STX12: variants seen among roughly 807,000 people sequenced by gnomAD.
The protein encoded by STX12 is syntaxin-12.
A neutral mutation model predicts 42.2 loss-of-function variants in STX12; 17 were observed. The ratio of observed to expected loss-of-function variants is 0.40; its 90% CI spans 0.28 to 0.60. The LOEUF is 0.60. Ranked by LOEUF, STX12 falls within the 20% of genes least tolerant of loss-of-function variation. The pLI is 0.39. For missense variants in STX12, 297 were observed against 330.9 expected (o/e 0.90, Z 0.79); for synonymous variants, 108 against 116.7 (o/e 0.93, Z 0.48).
chr1:27,779,748 C>T (rs1378025194), intron 1 of STX12, among the ~76,000 whole-genome samples: 2 of 152,048 alleles, frequency 1.3e-5, no homozygotes, highest in Non-Finnish European at 2.9e-5. Flanking sequence ...TTATGTTTCT[C>T]AACTCTATCT....
chr1:27,793,271 T>C (rs181252365), intron 2 of STX12, among the ~76,000 whole-genome samples: 41 of 152,332 alleles, frequency 2.7e-4, no homozygotes, highest in Admixed American at 2.0e-3. Flanking sequence ...TTTCTTCTCT[T>C]CCCAAAGAGT....
rs188518250 is a variant in STX12 at position 27,789,779 on chromosome 1, G to A, written c.188+148G>A. 82 of 605,130 alleles carry A rather than the reference G, an allele frequency of 1.4e-4. No homozygotes were observed. In the Admixed American group the frequency reaches 1.6e-3, roughly 12 times the overall value. The allele number at this position is 605,130 out of a possible 1,614,324, so 37.5% of individuals were successfully genotyped here. ...TAAGAGCTGGATCTAAAAGAGGGGC[G>A]GGGCAACAAAGTATATTAATGGATT... On this transcript the variant is annotated intron_variant, in intron 2 of 8. Coordinates refer to ENST00000373943, the MANE Select transcript of STX12 (RefSeq NM_177424.3).
At chr1:27,816,463 G>C (rs2088942159) in intron 6 of STX12, among the ~76,000 whole-genome samples, 1 of 151,808 alleles carries the variant, frequency 6.6e-6, no homozygotes, top group African/African-American at 2.4e-5. Context: ...GACAGAGCAA[G>C]ACTCTGTCTC....
intron 2 of STX12, among the ~76,000 whole-genome samples, chr1:27,792,410 G>A (rs2088755892): frequency 6.7e-6 from 1 of 149,376 alleles, no homozygotes; most frequent in African/African-American, 2.5e-5. Context: ...GACAGTGTGA[G>A]GTAAGAGAAT....
At chr1:27,818,540 A>T (rs2088959699) in intron 7 of STX12, among the ~76,000 whole-genome samples, 1 of 152,046 alleles carries the variant, frequency 6.6e-6, no homozygotes, top group African/African-American at 2.4e-5. Flanking sequence ...ACTCAGTCCC[A>T]TTGACTTCTT....
At chr1:27,801,220 G>A (rs556941553) in intron 3 of STX12, among the ~76,000 whole-genome samples, 4 of 152,172 alleles carry the variant, frequency 2.6e-5, no homozygotes, top group East Asian at 3.9e-4. Context: ...CCAACATGGC[G>A]AAACCCCATC....
intron 2 of STX12, among the ~76,000 whole-genome samples, chr1:27,790,062 T>C (rs1380212605): frequency 6.6e-6 from 1 of 151,746 alleles, no homozygotes; most frequent in Non-Finnish European, 1.5e-5. Context: ...AGATAGAAAA[T>C]ATTCAGAAAA....
intron 1 of STX12, among the ~76,000 whole-genome samples, chr1:27,778,715 AG>A (rs1228486307): frequency 6.6e-6 from 1 of 151,826 alleles, no homozygotes; most frequent in African/African-American, 2.4e-5. Flanking sequence ...AAAAAAAAAA[AG>A]AACAGCATTT....
At chr1:27,778,683 C>T (rs146843959) in intron 1 of STX12, among the ~76,000 whole-genome samples, 187 of 144,868 alleles carry the variant, frequency 1.3e-3, no homozygotes, top group African/African-American at 4.6e-3. Flanking sequence ...GGCAACAGAG[C>T]GAGATTCCAT....
intron 1 of STX12, among the ~76,000 whole-genome samples, chr1:27,777,571 A>G (rs2088635624): frequency 6.6e-6 from 1 of 152,136 alleles, no homozygotes; most frequent in South Asian, 2.1e-4. Flanking sequence ...ACCATATCCT[A>G]TGACCCTAGG....
chr1:27,820,002 G>A (rs1001609133), intron 8 of STX12: 1 of 279,908 alleles, frequency 3.6e-6, no homozygotes, highest in African/African-American at 2.2e-5. Context: ...CTATGAGGCT[G>A]TTTTATATCC....
At chr1:27,785,223 T>G (rs1393278466) in intron 1 of STX12, among the ~76,000 whole-genome samples, 1 of 152,228 alleles carries the variant, frequency 6.6e-6, no homozygotes, top group Admixed American at 6.5e-5. Flanking sequence ...TGTTATCATA[T>G]ATTCAACCAT....
rs1479332069 is a variant in STX12 at position 27,816,485 on chromosome 1, G to A, written c.577-1366G>A. ...CAAGACTCTGTCTCAAAAAAAACAAGTAATAAATAAAAATAAATAAAAAGA... is the reference window on the plus strand; with the variant it reads ...CAAGACTCTGTCTCAAAAAAAACAAATAATAAATAAAAATAAATAAAAAGA... On this transcript the variant is annotated intron_variant, in intron 6 of 8. Transcript: ENST00000373943. 2.0e-5 allele frequency among the ~76,000 whole-genome samples: 3 copies of A among 148,260 alleles called. No individual in the cohort carries two copies. In the East Asian group the frequency reaches 6.3e-4, roughly 31 times the overall value.
intron 8 of STX12, chr1:27,820,212 TCTG>T (rs1169087254): frequency 6.6e-6 from 1 of 152,464 alleles, no homozygotes; most frequent in Non-Finnish European, 1.5e-5. Flanking sequence ...TAGTTGAAAC[TCTG>T]GTTTTTTTAC....
chr1:27,806,795 AC>A (rs533207744), intron 4 of STX12, among the ~76,000 whole-genome samples: 8 of 152,194 alleles, frequency 5.3e-5, no homozygotes, highest in Non-Finnish European at 8.8e-5. Context: ...CAGGAAACTT[AC>A]AACCATGGTA....
intron 6 of STX12, among the ~76,000 whole-genome samples, chr1:27,817,115 AGGAG>A (rs969185036): frequency 6.8e-6 from 1 of 146,972 alleles, no homozygotes; most frequent in Non-Finnish European, 1.5e-5. Flanking sequence ...GAGGGAGAGA[AGGAG>A]GGAGGGAGGG....
rs777042907 is a variant in STX12 at position 27,801,809 on chromosome 1, T to G, written c.420T>G (p.Arg140=). The change falls in exon 4 of 9, where the codon CGT becomes CGG. Residue 140 remains arginine (R), a synonymous_variant. Transcript: ENST00000373943. The part of the protein sequence containing the change: ...ESIARARAGS[R]LSAEERQREE... ...TTGCCAGAGCAAGAGCTGGATCTCGTCTTTCTGTAAGTTGATTCCCAAAAG... is the reference window on the plus strand; with the variant it reads ...TTGCCAGAGCAAGAGCTGGATCTCGGCTTTCTGTAAGTTGATTCCCAAAAG... The G allele has an allele frequency of 6.3e-7, 1 of 1,578,896 alleles. No homozygotes were observed. Among genetic ancestry groups the G allele is most frequent in the Non-Finnish European group, 8.6e-7 (1 of 1,168,950 alleles).
chr1:27,800,793 A>G (rs770600556), intron 3 of STX12, among the ~76,000 whole-genome samples: 72 of 152,282 alleles, frequency 4.7e-4, no homozygotes, highest in Non-Finnish European at 8.5e-4. Context: ...TACTAGGACT[A>G]TAGGCATAAG....
At chr1:27,795,281 T>G (rs1164275226) in intron 3 of STX12, among the ~76,000 whole-genome samples, 2 of 152,008 alleles carry the variant, frequency 1.3e-5, no homozygotes, top group Admixed American at 6.6e-5. Flanking sequence ...TATGTGTATG[T>G]ATGGATGGAT....
Sources: allele counts gnomAD v4.1 joint callset (sites outside exome capture counted in the v4.1 genomes callset), GRCh38; gene constraint gnomAD v4.1.1; transcripts MANE v1.5; gene names NCBI Gene and HGNC (gene_info 2026-07-23, HGNC 2026-07-21).